Variants in SMOC2 observed in about 807,000 individuals in gnomAD.
SMOC2 encodes SPARC-related modular calcium-binding protein 2.
In SMOC2, 39 loss-of-function variants were observed where a neutral mutation model predicts 61.4. That is an observed-to-expected ratio of 0.64 (90% CI 0.49 to 0.83). The LOEUF (loss-of-function observed/expected upper bound fraction) is 0.83, where lower values mean the gene tolerates loss of function less well. Among genes scored for constraint, SMOC2 ranks in the 40% least tolerant of loss-of-function variants. The pLI is 0.00. For missense variants in SMOC2, 556 were observed against 592.9 expected (o/e 0.94, Z 0.65); for synonymous variants, 247 against 239.9 (o/e 1.03, Z -0.27).
chr6:168,518,054 TA>T (rs1783187515), intron 2 of SMOC2, among the ~76,000 whole-genome samples: 1 of 152,214 alleles, frequency 6.6e-6, no homozygotes, highest in Non-Finnish European at 1.5e-5. Flanking sequence ...CTCGTCCTCG[TA>T]CTCAGCGGCC....
rs768568745 is a variant in SMOC2 at position 168,594,392 on chromosome 6, C to T, written c.638-4426C>T. On this transcript the variant is annotated intron_variant, in intron 7 of 12. Coordinates refer to ENST00000356284, the MANE Select transcript of SMOC2 (RefSeq NM_001166412.2). Reference sequence around the variant, plus strand: ...CACGAGGGGCATCTTTCTAGAGGATCGCGGAGCTCCTCCTCCTTCCTGAGG... The same window carrying T: ...CACGAGGGGCATCTTTCTAGAGGATTGCGGAGCTCCTCCTCCTTCCTGAGG... Among the ~76,000 whole-genome samples the T allele has an allele frequency of 1.7e-3, 18 of 10,728 alleles. 2 individuals are homozygous for T. Among genetic ancestry groups the T allele is most frequent in the East Asian group, 2.9e-3 (1 of 340 alleles). The allele number at this position is 10,728 out of a possible 152,430, so 7.0% of individuals were successfully genotyped here.
Position 168,653,218 on chromosome 6 carries a change from G to GA in SMOC2, c.1278dup (p.Arg427ThrfsTer9). On this transcript the variant is annotated frameshift_variant, in exon 11 of 13. Transcript: ENST00000356284. LOFTEE classifies it high-confidence loss of function. Reference sequence around the variant, plus strand: ...AAGAGGACGGCAAAGCGGACACCAAGAAACGCCACAGTAAGAGCTTTCCCA... The same window carrying GA: ...AAGAGGACGGCAAAGCGGACACCAAGAAAACGCCACAGTAAGAGCTTTCCCA... 2 of 1,612,790 alleles carry GA rather than the reference G, an allele frequency of 1.2e-6. No homozygotes were observed. Among genetic ancestry groups the GA allele is most frequent in the Non-Finnish European group, 1.7e-6 (2 of 1,179,278 alleles).
chr6:168,512,436 T>G (rs1173546747), intron 2 of SMOC2, among the ~76,000 whole-genome samples: 4 of 152,128 alleles, frequency 2.6e-5, no homozygotes, highest in Non-Finnish European at 5.9e-5. Context: ...GGACCACAAA[T>G]GGAGGGGTGA....
intron 11 of SMOC2, among the ~76,000 whole-genome samples, chr6:168,653,641 TCACCAACCC>T (rs1787258818): frequency 6.0e-5 from 8 of 133,816 alleles, no homozygotes; most frequent in Non-Finnish European, 1.3e-4. Context: ...TGTTAGGAAC[TCACCAACCC>T]TCTACCTGAG....
At chr6:168,483,458 C>T (rs1447555838) in intron 1 of SMOC2, among the ~76,000 whole-genome samples, 2 of 152,022 alleles carry the variant, frequency 1.3e-5, no homozygotes, top group Non-Finnish European at 2.9e-5. Flanking sequence ...CAAATGGAAA[C>T]ACATCCCACG....
At chr6:168,468,511 C>T (rs1781895570) in intron 1 of SMOC2, among the ~76,000 whole-genome samples, 1 of 152,210 alleles carries the variant, frequency 6.6e-6, no homozygotes, top group Non-Finnish European at 1.5e-5. Flanking sequence ...TTTAGAAATT[C>T]TTTTGAATGC....
rs140066879 is a variant in SMOC2, at chr6:168,500,986, G to T, written c.85-8929G>T. ...CTCCGACAGAGTGGGCATTGCTTAT[G>T]AGAGGGGGAAGTTCAGCTGTGTTAC... is the stretch of plus-strand genomic sequence containing the variant. On this transcript the variant is annotated intron_variant, in intron 1 of 12. Transcript: ENST00000356284. 5.6e-4 allele frequency among the ~76,000 whole-genome samples: 86 copies of T among 152,304 alleles called. 1 individual carries two copies. The highest frequency in any genetic ancestry group is 2.7e-3 in the South Asian group (13 of 4,826).
At chr6:168,458,625 G>C (rs975403612) in intron 1 of SMOC2, among the ~76,000 whole-genome samples, 1 of 152,126 alleles carries the variant, frequency 6.6e-6, no homozygotes, top group Admixed American at 6.5e-5. Flanking sequence ...GGGGAGAAAC[G>C]AAGGCTCCCA....
chr6:168,487,263 A>G (rs1460355953), intron 1 of SMOC2, among the ~76,000 whole-genome samples: 1 of 152,178 alleles, frequency 6.6e-6, no homozygotes, highest in African/African-American at 2.4e-5. Flanking sequence ...GGAAAGCTCC[A>G]ACTTAAATAA....
In SMOC2 at chr6:168,643,459, G is replaced by A. The variant is rs1240562727; in HGVS notation, c.908-7222G>A. 3.3e-5 allele frequency among the ~76,000 whole-genome samples: 5 copies of A among 152,226 alleles called. No individual in the cohort carries two copies. In the East Asian group the frequency reaches 7.8e-4, roughly 24 times the overall value. On this transcript the variant is annotated intron_variant, in intron 9 of 12. Transcript: ENST00000356284. ...GCCTCAGGAATGCCACACTGCCTGG[G>A]ACGCAGGGTCTTCGTGGGCCTTCCC...
chr6:168,508,022 A>G (rs1782914486), intron 1 of SMOC2, among the ~76,000 whole-genome samples: 1 of 152,052 alleles, frequency 6.6e-6, no homozygotes, highest in Non-Finnish European at 1.5e-5. Context: ...CACACCTGCC[A>G]CTGTCACGGT....
intron 1 of SMOC2, among the ~76,000 whole-genome samples, chr6:168,496,253 GGGAAGGCA>G (rs1182995150): frequency 6.6e-6 from 1 of 152,086 alleles, no homozygotes; most frequent in Non-Finnish European, 1.5e-5. Context: ...ACTGGGGTTT[GGGAAGGCA>G]GGGTGGGGAG....
intron 1 of SMOC2, among the ~76,000 whole-genome samples, chr6:168,476,069 G>T (rs1216787635): frequency 2.6e-5 from 4 of 152,178 alleles, no homozygotes; most frequent in Non-Finnish European, 1.5e-5. Flanking sequence ...TAACACACAA[G>T]CGTAAAAAGA....
At chr6:168,559,379 C>T (rs1397461402) in intron 7 of SMOC2, among the ~76,000 whole-genome samples, 1 of 151,956 alleles carries the variant, frequency 6.6e-6, no homozygotes, top group Non-Finnish European at 1.5e-5. Context: ...GGCTTGAACC[C>T]AGTAGGCGGA....
rs71573478 is a variant in SMOC2 at position 168,592,681 on chromosome 6, G to A, written c.638-6137G>A. Among the ~76,000 whole-genome samples the A allele has an allele frequency of 1.6e-3, 80 of 48,776 alleles. 2 individuals are homozygous for A. Among genetic ancestry groups the A allele is most frequent in the Middle Eastern group, 0.013 (1 of 80 alleles). 32.0% of individuals were successfully genotyped at this position (48,776 alleles called of 152,430 possible). A position where few individuals can be genotyped will look rare whatever the true frequency, so the allele number is the denominator to read the frequency against. On this transcript the variant is annotated intron_variant, in intron 7 of 12. Coordinates refer to ENST00000356284, the MANE Select transcript of SMOC2 (RefSeq NM_001166412.2). ...CTCCTCCTCCTTCCTGAGGCCTCAC[G>A]GGCATCTTTCTAGAGGATGGCCGAG...
chr6:168,635,156 G>T (rs1786680424), intron 9 of SMOC2, among the ~76,000 whole-genome samples: 1 of 152,112 alleles, frequency 6.6e-6, no homozygotes. Context: ...CTATTTTATG[G>T]GGTTGGTCAA....
chr6:168,606,178 CGCA>C (rs1785682797), intron 8 of SMOC2, among the ~76,000 whole-genome samples: 1 of 152,122 alleles, frequency 6.6e-6, no homozygotes. Flanking sequence ...ACCTGCTGGC[CGCA>C]GCAGCAGCTG....
chr6:168,517,506 G>A (rs890724422), intron 2 of SMOC2, among the ~76,000 whole-genome samples: 1 of 152,350 alleles, frequency 6.6e-6, no homozygotes, highest in East Asian at 1.9e-4. Context: ...CCTGCCGGGG[G>A]AGCAGCTTTG....
At chr6:168,583,306 C>T (rs907062371) in intron 7 of SMOC2, among the ~76,000 whole-genome samples, 3 of 151,886 alleles carry the variant, frequency 2.0e-5, no homozygotes, top group African/African-American at 7.3e-5. Context: ...CCTGCCCTGC[C>T]TCACTCCTTC....
Sources: gnomAD v4.1 joint callset for allele counts (sites outside exome capture counted in the v4.1 genomes callset) on GRCh38, gnomAD v4.1.1 for gene constraint, MANE v1.5 for transcripts, NCBI Gene and HGNC (gene_info 2026-07-23, HGNC 2026-07-21) for gene names.